The following THSD7B variants were observed in gnomAD, a reference collection of about 807,000 sequenced individuals.
THSD7B encodes the protein thrombospondin type-1 domain-containing protein 7B.
A neutral mutation model predicts 213.6 loss-of-function variants in THSD7B; 138 were observed. That is an observed-to-expected ratio of 0.65 (90% CI 0.56 to 0.74). The LOEUF (loss-of-function observed/expected upper bound fraction) is 0.74, where lower values mean the gene tolerates loss of function less well. THSD7B is among the 30% of genes least tolerant of loss of function. The pLI is 0.00. For synonymous variants in THSD7B, 742 were observed against 687.0 expected (o/e 1.08, Z -1.25); for missense variants, 1,931 against 1,991.5 (o/e 0.97, Z 0.58).
chr2:136,876,653 A>C (rs917900170), intron 1 of THSD7B, among the ~76,000 whole-genome samples: 16 of 152,352 alleles, frequency 1.1e-4, no homozygotes, highest in Admixed American at 2.0e-4. Flanking sequence ...CTTACATTAT[A>C]AGTGTGAAAT....
intron 2 of THSD7B, among the ~76,000 whole-genome samples, chr2:137,005,758 G>A (rs773119270): frequency 6.6e-6 from 1 of 152,070 alleles, no homozygotes; most frequent in Non-Finnish European, 1.5e-5. Context: ...GTGTTGTATT[G>A]TTAGCTGAAA....
At position 137,655,485 on chromosome 2, in the gene THSD7B, T is replaced by A. The variant is rs1379894317; in HGVS notation, c.3946-16T>A. On this transcript the variant is annotated splice_polypyrimidine_tract_variant and intron_variant, in intron 21 of 27. Coordinates refer to ENST00000409968, the MANE Select transcript of THSD7B (RefSeq NM_001316349.2). ...AATTATTTGGGTAATTGTGAAAGTA[T>A]CCTTTCCTCTCATAGGGTGGAGACT... is the stretch of plus-strand genomic sequence containing the variant. 4.4e-6 allele frequency: 7 copies of A among 1,599,884 alleles called. No homozygotes were observed. Among genetic ancestry groups the A allele is most frequent in the African/African-American group, 2.7e-5 (2 of 74,650 alleles).
chr2:137,486,060 A>G (rs1336229411), intron 15 of THSD7B, among the ~76,000 whole-genome samples: 2 of 152,230 alleles, frequency 1.3e-5, no homozygotes, highest in Admixed American at 6.5e-5. Context: ...TGTAAAGACC[A>G]TGAAGGCTAG....
chr2:137,577,474 C>A (rs1280142724), intron 17 of THSD7B, among the ~76,000 whole-genome samples: 2 of 152,070 alleles, frequency 1.3e-5, no homozygotes, highest in Non-Finnish European at 2.9e-5. Context: ...CCCTCAATTT[C>A]CATCTGTCTC....
At chr2:137,592,525 CTTCAAG>C (rs1573731176) in intron 17 of THSD7B, among the ~76,000 whole-genome samples, 1 of 151,866 alleles carries the variant, frequency 6.6e-6, no homozygotes, top group Non-Finnish European at 1.5e-5. Context: ...TATGACAAAA[CTTCAAG>C]TTCAAGTGCT....
intron 3 of THSD7B, among the ~76,000 whole-genome samples, chr2:137,065,372 T>C (rs1687356457): frequency 6.6e-6 from 1 of 152,120 alleles, no homozygotes; most frequent in Non-Finnish European, 1.5e-5. Flanking sequence ...ATCCTGTAAC[T>C]TTACTAAATT....
intron 2 of THSD7B, among the ~76,000 whole-genome samples, chr2:136,918,225 G>T (rs1410006792): frequency 6.6e-6 from 1 of 152,140 alleles, no homozygotes; most frequent in Non-Finnish European, 1.5e-5. Context: ...TACAGTGTTA[G>T]AACTAGAACT....
At chr2:136,941,695 A>AT (rs948692548) in intron 2 of THSD7B, among the ~76,000 whole-genome samples, 16 of 149,296 alleles carry the variant, frequency 1.1e-4, no homozygotes, top group South Asian at 2.1e-4. Context: ...CCACTTTTTG[A>AT]TTTTTTTTTC....
At position 137,073,226 on chromosome 2, in the gene THSD7B, T is replaced by A. The variant is rs568662049; in HGVS notation, c.950+15996T>A. ...CTGGTAGAATTCGGCTGTGAATCCA[T>A]CTGGTCCTGGACTTTTTTTGGTTGG... On this transcript the variant is annotated intron_variant, in intron 3 of 27. Transcript: ENST00000409968. Among the ~76,000 whole-genome samples, 4 of 152,268 alleles carry A rather than the reference T, an allele frequency of 2.6e-5. No homozygotes were observed. The South Asian group carries it at 8.3e-4, about 32-fold the overall frequency.
In THSD7B at chr2:137,201,513, T is replaced by C. The variant is rs368610839; in HGVS notation, c.1724-29531T>C. On this transcript the variant is annotated intron_variant, in intron 7 of 27. Coordinates refer to ENST00000409968, the MANE Select transcript of THSD7B (RefSeq NM_001316349.2). ...CTCCATAGTTTTTCTATAATGCCTG[T>C]ATTAATTTACATCCCCACCAACAAT... Among the ~76,000 whole-genome samples, 6 of 152,326 alleles carry C rather than the reference T, an allele frequency of 3.9e-5. No homozygotes were observed. The East Asian group carries it at 1.2e-3, about 29-fold the overall frequency.
chr2:137,272,930 A>G (rs369510552), intron 11 of THSD7B, among the ~76,000 whole-genome samples: 18 of 151,886 alleles, frequency 1.2e-4, no homozygotes, highest in Admixed American at 8.6e-4. Context: ...GTCCATTTTC[A>G]GGATCATGTT....
intron 6 of THSD7B, among the ~76,000 whole-genome samples, chr2:137,167,427 G>A (rs531649168): frequency 2.6e-5 from 4 of 151,966 alleles, no homozygotes; most frequent in South Asian, 4.2e-4. Context: ...GGAACCTGCT[G>A]GACTTTCTTC....
intron 12 of THSD7B, among the ~76,000 whole-genome samples, chr2:137,351,692 A>C (rs1235174849): frequency 1.3e-5 from 2 of 151,990 alleles, no homozygotes; most frequent in Non-Finnish European, 2.9e-5. Flanking sequence ...CACTGATCAC[A>C]TAAGAGGTAG....
intron 12 of THSD7B, among the ~76,000 whole-genome samples, chr2:137,396,427 T>C (rs1053203279): frequency 7.9e-4 from 117 of 148,886 alleles, no homozygotes; most frequent in East Asian, 6.2e-3. Flanking sequence ...ATGTATCCAG[T>C]AGTCATTCAG....
intron 18 of THSD7B, among the ~76,000 whole-genome samples, chr2:137,617,819 A>AGCTACAT (rs1213093451): frequency 6.6e-6 from 1 of 152,080 alleles, no homozygotes; most frequent in Non-Finnish European, 1.5e-5. Context: ...AGTGCCTTCT[A>AGCTACAT]GCTACATCCT....
At chr2:137,115,348 T>G in intron 5 of THSD7B, 55 bp downstream of exon 5, 1 of 1,418,296 alleles carries the variant, frequency 7.1e-7, no homozygotes, top group Non-Finnish European at 9.3e-7. Context: ...GGAAAATCTC[T>G]CCAACTCTCC....
chr2:137,189,294 C>A (rs1180747277), intron 7 of THSD7B, among the ~76,000 whole-genome samples: 3 of 152,194 alleles, frequency 2.0e-5, no homozygotes, highest in African/African-American at 7.2e-5. Context: ...GGGTTTTCAA[C>A]ACTTGTCAAG....
At chr2:136,812,438 A>G (rs1682390961) in intron 1 of THSD7B, among the ~76,000 whole-genome samples, 1 of 152,232 alleles carries the variant, frequency 6.6e-6, no homozygotes. Flanking sequence ...GCACATTTTT[A>G]TTCTCTAGCT....
At chr2:137,438,346 C>A (rs1252225332) in intron 14 of THSD7B, among the ~76,000 whole-genome samples, 4 of 152,120 alleles carry the variant, frequency 2.6e-5, no homozygotes, top group Non-Finnish European at 5.9e-5. Flanking sequence ...GTGGTCAATA[C>A]CGTTTAATGC....
Sources: allele counts gnomAD v4.1 joint callset (sites outside exome capture counted in the v4.1 genomes callset), GRCh38; gene constraint gnomAD v4.1.1; transcripts MANE v1.5; gene names NCBI Gene and HGNC (gene_info 2026-07-23, HGNC 2026-07-21).